ALKBH3: variants seen among roughly 807,000 people sequenced by gnomAD.
The protein encoded by ALKBH3 is alpha-ketoglutarate-dependent dioxygenase alkB homolog 3.
ALKBH3 carries 51 observed loss-of-function variants against 43.9 expected under a neutral mutation model. The observed-to-expected ratio is 1.16, with a 90% CI of 0.93 to 1.47. ALKBH3 has a LOEUF of 1.47. ALKBH3 is among the 40% of genes most tolerant of loss of function. ALKBH3 has a pLI of 0.00. For synonymous variants in ALKBH3, 102 were observed against 115.2 expected (o/e 0.89, Z 0.73); for missense variants, 361 against 351.9 (o/e 1.03, Z -0.21).
At chr11:43,894,236 G>A (rs1205115595) in intron 7 of ALKBH3, among the ~76,000 whole-genome samples, 1 of 152,132 alleles carries the variant, frequency 6.6e-6, no homozygotes, top group Non-Finnish European at 1.5e-5. Flanking sequence ...CCACCAACTT[G>A]ACCTCTCCTT....
At chr11:43,883,366 G>C (rs1220464677) in intron 3 of ALKBH3, among the ~76,000 whole-genome samples, 178 bp downstream of exon 3, 1 of 152,154 alleles carries the variant, frequency 6.6e-6, no homozygotes, top group South Asian at 2.1e-4. Flanking sequence ...GGGATTCTTC[G>C]TAGTCTGCTC....
chr11:43,884,647 A>G (rs984061588), intron 4 of ALKBH3, among the ~76,000 whole-genome samples: 35 of 152,340 alleles, frequency 2.3e-4, no homozygotes, highest in Middle Eastern at 3.4e-3. Flanking sequence ...AGCATCAGAT[A>G]TATGTTCTTG....
At chr11:43,898,090 G>T (rs1951832487) in intron 7 of ALKBH3, 1 of 1,028,020 alleles carries the variant, frequency 9.7e-7, no homozygotes, top group Non-Finnish European at 1.5e-6. Flanking sequence ...GAGTGGCGAT[G>T]CCCTCAGCAG....
chr11:43,907,426 G>T (rs1951903627), intron 8 of ALKBH3, among the ~76,000 whole-genome samples: 1 of 152,190 alleles, frequency 6.6e-6, no homozygotes, highest in Admixed American at 6.5e-5. Flanking sequence ...ACTAGTGACA[G>T]CACTTTTAGT....
At chr11:43,907,212 A>AGTGTGTGTGT (rs34632297) in intron 8 of ALKBH3, among the ~76,000 whole-genome samples, 1 of 149,450 alleles carries the variant, frequency 6.7e-6, no homozygotes, top group Non-Finnish European at 1.5e-5. Flanking sequence ...AGAGAGAGAG[A>AGTGTGTGTGT]GTGTGTGTGT....
At chr11:43,913,577 A>C (rs950501571) in intron 8 of ALKBH3, among the ~76,000 whole-genome samples, 2 of 152,206 alleles carry the variant, frequency 1.3e-5, no homozygotes, top group African/African-American at 2.4e-5. Flanking sequence ...ATATTTCCCC[A>C]CAGTTTCTAC....
intron 6 of ALKBH3, among the ~76,000 whole-genome samples, chr11:43,890,298 C>T (rs1160184521): frequency 2.0e-5 from 3 of 152,166 alleles, no homozygotes; most frequent in Non-Finnish European, 4.4e-5. Context: ...GCTTCAGCAT[C>T]TGTACTCTCC....
chr11:43,905,374 G>A (rs1343730378), intron 8 of ALKBH3, among the ~76,000 whole-genome samples: 9 of 151,936 alleles, frequency 5.9e-5, no homozygotes, highest in Admixed American at 5.9e-4. Flanking sequence ...AGCTCAGTCA[G>A]CTTCATGTAG....
In ALKBH3 at chr11:43,896,734, CTG is replaced by C. The variant is rs1293549020; in HGVS notation, c.459+4606_459+4607del. Among the ~76,000 whole-genome samples the C allele has an allele frequency of 1.2e-3, 184 of 151,024 alleles. 1 individual carries two copies. Among genetic ancestry groups the C allele is most frequent in the African/African-American group, 4.0e-3 (167 of 41,386 alleles). On this transcript the variant is annotated intron_variant, in intron 7 of 9. Coordinates refer to ENST00000302708, the MANE Select transcript of ALKBH3 (RefSeq NM_139178.4). ...ACTTCTTCCCATTATTTAGGCTTTT[CTG>C]CTGAGATCAGTGGTAATATTGTTGG... is the stretch of plus-strand genomic sequence containing the variant.
intron 7 of ALKBH3, among the ~76,000 whole-genome samples, chr11:43,901,030 C>T (rs1951860001): frequency 6.6e-6 from 1 of 152,180 alleles, no homozygotes; most frequent in African/African-American, 2.4e-5. Flanking sequence ...CACTTCTCCC[C>T]ATCAGGATAA....
intron 8 of ALKBH3, among the ~76,000 whole-genome samples, chr11:43,914,654 G>A (rs920021086): frequency 2.0e-5 from 3 of 152,046 alleles, no homozygotes; most frequent in East Asian, 1.9e-4. Flanking sequence ...TCATGAAGAC[G>A]AGCCAAAGAA....
intron 8 of ALKBH3, among the ~76,000 whole-genome samples, chr11:43,914,362 A>T (rs893026441): frequency 1.3e-5 from 2 of 152,222 alleles, no homozygotes; most frequent in African/African-American, 4.8e-5. Flanking sequence ...AGGATTAGCA[A>T]TAACGGATAT....
intron 8 of ALKBH3, among the ~76,000 whole-genome samples, chr11:43,910,907 C>A (rs1008210014): frequency 1.3e-5 from 2 of 152,164 alleles, no homozygotes; most frequent in African/African-American, 4.8e-5. Flanking sequence ...ACTGTCTTCT[C>A]TCATTCTCCC....
chr11:43,886,380 C>G (rs1235649836), intron 4 of ALKBH3, among the ~76,000 whole-genome samples: 1 of 151,970 alleles, frequency 6.6e-6, no homozygotes, highest in Non-Finnish European at 1.5e-5. Flanking sequence ...TGATTTTATC[C>G]CAGTTTTTGT....
chr11:43,904,357 T>C (rs1951882405), intron 8 of ALKBH3, among the ~76,000 whole-genome samples: 1 of 152,256 alleles, frequency 6.6e-6, no homozygotes, highest in Non-Finnish European at 1.5e-5. Flanking sequence ...GTAGTAAGTT[T>C]TGGCTTCTGG....
At chr11:43,918,987 C>A in intron 8 of ALKBH3, 51 bp from the exon 9 acceptor site, 1 of 1,434,290 alleles carries the variant, frequency 7.0e-7, no homozygotes, top group Non-Finnish European at 9.8e-7. Flanking sequence ...GGTTCTGTTG[C>A]ATCTTGATTA....
At chr11:43,897,814 A>G in intron 7 of ALKBH3, 1 of 831,568 alleles carries the variant, frequency 1.2e-6, no homozygotes, top group South Asian at 1.3e-5. Flanking sequence ...CGTTTTGAAC[A>G]GTCTGCAAGT....
chr11:43,911,818 A>G (rs1951941106), intron 8 of ALKBH3, among the ~76,000 whole-genome samples: 1 of 152,162 alleles, frequency 6.6e-6, no homozygotes, highest in South Asian at 2.1e-4. Context: ...TATCATTCAG[A>G]GAAAGAGAAT....
In ALKBH3 at chr11:43,882,332, T is replaced by C. The variant is rs571213177; in HGVS notation, c.-70-251T>C. Among the ~76,000 whole-genome samples the C allele has an allele frequency of 3.9e-5, 6 of 152,360 alleles. No individual in the cohort carries two copies. The East Asian group carries it at 1.2e-3, about 29-fold the overall frequency. On this transcript the variant is annotated intron_variant, in intron 1 of 9. Coordinates refer to ENST00000302708, the MANE Select transcript of ALKBH3 (RefSeq NM_139178.4). Reference sequence around the variant, plus strand: ...TGTGGTTTATAATAGGTCCTAATTTTAGAATTTCTTAAAATGCACTTTCTT... The same window carrying C: ...TGTGGTTTATAATAGGTCCTAATTTCAGAATTTCTTAAAATGCACTTTCTT...
Sources: gnomAD v4.1 joint callset for allele counts (sites outside exome capture counted in the v4.1 genomes callset) on GRCh38, gnomAD v4.1.1 for gene constraint, MANE v1.5 for transcripts, NCBI Gene and HGNC (gene_info 2026-07-23, HGNC 2026-07-21) for gene names.